Variants in STXBP5 observed in about 807,000 individuals in gnomAD.
STXBP5 encodes syntaxin binding protein 5, also known as syntaxin-binding protein 5.
STXBP5 carries 50 observed loss-of-function variants against 152.4 expected under a neutral mutation model. The ratio of observed to expected loss-of-function variants is 0.33; its 90% CI spans 0.26 to 0.42. STXBP5 has a LOEUF of 0.42. STXBP5 is among the 10% of genes least tolerant of loss of function. STXBP5 has a pLI of 1.00. For synonymous variants in STXBP5, 492 were observed against 494.7 expected, an observed-to-expected ratio of 0.99 and a Z score of 0.07; for missense variants, 1,167 against 1,388.6, an observed-to-expected ratio of 0.84 and a Z score of 2.54.
intron 26 of STXBP5, among the ~76,000 whole-genome samples, chr6:147,375,994 G>T (rs1186604372): frequency 6.6e-6 from 1 of 151,986 alleles, no homozygotes; most frequent in African/African-American, 2.4e-5. Context: ...CACACTAAAG[G>T]GAATTCTAAA....
In STXBP5 at chr6:147,384,738, A is replaced by C. The variant is rs1786260746; in HGVS notation, c.3439A>C (p.Lys1147Gln). 2.5e-6 allele frequency: 4 copies of C among 1,611,894 alleles called. No individual in the cohort carries two copies. Among genetic ancestry groups the C allele is most frequent in the Non-Finnish European group, 3.4e-6 (4 of 1,178,998 alleles). ...HEIMLKYKDK[K>Q]WYQF ...GATTATGTTGAAATACAAAGATAAG[A>C]AGTGGTACCAGTTCTGACAACCAGA... is the stretch of plus-strand genomic sequence containing the variant. The change falls in exon 28 of 28, where the codon AAG becomes CAG. Residue 1147 changes from lysine to glutamine, a missense_variant. By Grantham distance (53) the Lys-to-Gln change is moderately conservative (BLOSUM62 1). Transcript: ENST00000321680.
chr6:147,301,239 G>T (rs1161741589), intron 9 of STXBP5, among the ~76,000 whole-genome samples: 1 of 152,010 alleles, frequency 6.6e-6, no homozygotes, highest in Non-Finnish European at 1.5e-5. Flanking sequence ...TCATATGGAG[G>T]TTCCCCAAAA....
At chr6:147,219,725 T>C (rs1777359397) in intron 2 of STXBP5, among the ~76,000 whole-genome samples, 1 of 151,838 alleles carries the variant, frequency 6.6e-6, no homozygotes, top group Non-Finnish European at 1.5e-5. Context: ...GAAATTAAAG[T>C]GATGTCTGTC....
intron 9 of STXBP5, among the ~76,000 whole-genome samples, chr6:147,295,296 G>A (rs892373133): frequency 1.3e-5 from 2 of 152,106 alleles, no homozygotes; most frequent in Non-Finnish European, 2.9e-5. Context: ...GAGCTACAGA[G>A]CATTAGAAGA....
chr6:147,295,305 G>A (rs1009392014), intron 9 of STXBP5, among the ~76,000 whole-genome samples: 2 of 152,264 alleles, frequency 1.3e-5, no homozygotes, highest in Non-Finnish European at 2.9e-5. Context: ...AGCATTAGAA[G>A]AGTTAGTTTT....
intron 8 of STXBP5, among the ~76,000 whole-genome samples, chr6:147,281,134 G>A (rs536428410): frequency 1.3e-5 from 2 of 152,268 alleles, no homozygotes; most frequent in Non-Finnish European, 2.9e-5. Flanking sequence ...TTGGCACACT[G>A]CAACCTCTGC....
intron 9 of STXBP5, among the ~76,000 whole-genome samples, chr6:147,298,677 A>C (rs1431115428): frequency 6.6e-6 from 1 of 152,048 alleles, no homozygotes; most frequent in African/African-American, 2.4e-5. Context: ...TTAACAAGAG[A>C]AACTTTGGAA....
At chr6:147,362,281 A>C (rs142679097) in intron 23 of STXBP5, among the ~76,000 whole-genome samples, 2 of 152,166 alleles carry the variant, frequency 1.3e-5, no homozygotes, top group East Asian at 3.8e-4. Flanking sequence ...AAAAGAAAAT[A>C]ATATGTGGAA....
At chr6:147,250,662 G>A (rs1047920289) in intron 4 of STXBP5, among the ~76,000 whole-genome samples, 1 of 151,926 alleles carries the variant, frequency 6.6e-6, no homozygotes, top group African/African-American at 2.4e-5. Flanking sequence ...GGTGTGTTTG[G>A]GAGCAGATAA....
chr6:147,358,318 C>T (rs780610889), intron 22 of STXBP5, among the ~76,000 whole-genome samples: 4 of 152,070 alleles, frequency 2.6e-5, no homozygotes, highest in Non-Finnish European at 5.9e-5. Context: ...TTGTCACACT[C>T]TACCAGTCAT....
At chr6:147,369,647 C>A (rs1039103899) in intron 25 of STXBP5, among the ~76,000 whole-genome samples, 2 of 151,780 alleles carry the variant, frequency 1.3e-5, no homozygotes, top group African/African-American at 4.8e-5. Flanking sequence ...AAAACATAGA[C>A]AAAATATTCA....
At chr6:147,367,111 G>T (rs1785325528) in intron 25 of STXBP5, among the ~76,000 whole-genome samples, 1 of 152,104 alleles carries the variant, frequency 6.6e-6, no homozygotes, top group Non-Finnish European at 1.5e-5. Flanking sequence ...AAACATGAAA[G>T]ATACAAAAAT....
At chr6:147,253,108 C>T (rs1779181597) in intron 4 of STXBP5, among the ~76,000 whole-genome samples, 1 of 152,150 alleles carries the variant, frequency 6.6e-6, no homozygotes, top group African/African-American at 2.4e-5. Flanking sequence ...AAAGCTTATC[C>T]ACCATGATCA....
chr6:147,336,398 G>A (rs1162719117), intron 19 of STXBP5, among the ~76,000 whole-genome samples: 2 of 151,594 alleles, frequency 1.3e-5, no homozygotes, highest in Non-Finnish European at 2.9e-5. Context: ...TATTTGTAAC[G>A]TTTTTTAACC....
rs1484498756 is a variant in STXBP5 at position 147,389,021 on chromosome 6, C to G, written c.*4266C>G. On this transcript the variant is annotated 3_prime_UTR_variant, in exon 28 of 28. Coordinates refer to ENST00000321680, the MANE Select transcript of STXBP5 (RefSeq NM_001127715.4). The stretch of plus-strand genomic sequence containing the variant: ...TTTACTTTGGGGGGAAAAAAGCACT[C>G]CTATATCTTAAATGTCCTTCTTTTT... The G allele has an allele frequency of 6.6e-6, 1 of 151,492 alleles. No homozygotes were observed. The highest frequency in any genetic ancestry group is 1.5e-5 in the Non-Finnish European group (1 of 67,636). 9.4% of individuals were successfully genotyped at this position (151,492 alleles called of 1,614,324 possible).
At chr6:147,355,309 G>A (rs193170150) in intron 22 of STXBP5, among the ~76,000 whole-genome samples, 1 of 152,226 alleles carries the variant, frequency 6.6e-6, no homozygotes, top group East Asian at 1.9e-4. Context: ...ATAAAAGTTT[G>A]TTGAATAAGG....
At position 147,359,157 on chromosome 6, in the gene STXBP5, G is replaced by T. The variant is rs771055219; in HGVS notation, c.2379G>T (p.Ala793=). The change falls in exon 23 of 28, where the codon GCG becomes GCT. Residue 793 remains alanine (A), a synonymous_variant. Transcript: ENST00000321680. ...GCATTGACAAAGAATCCCGAGAAGC[G>T]ATCTCCGCTCTTCATTTCTGTGAAA... ...VTSIDKESRE[A]ISALHFCETF... 1 of 1,613,886 alleles carries T rather than the reference G, an allele frequency of 6.2e-7. No individual in the cohort carries two copies.
intron 21 of STXBP5, among the ~76,000 whole-genome samples, chr6:147,346,816 CTA>C (rs1034239454): frequency 6.6e-6 from 1 of 152,200 alleles, no homozygotes; most frequent in East Asian, 1.9e-4. Flanking sequence ...CTAAAAACAA[CTA>C]TAAAAATTGG....
At chr6:147,212,589 A>G (rs1328986782) in intron 2 of STXBP5, among the ~76,000 whole-genome samples, 1 of 151,646 alleles carries the variant, frequency 6.6e-6, no homozygotes, top group Non-Finnish European at 1.5e-5. Flanking sequence ...CTGTGGGGGG[A>G]TTTAGGAATT....
Sources: allele counts gnomAD v4.1 joint callset (sites outside exome capture counted in the v4.1 genomes callset), GRCh38; gene constraint gnomAD v4.1.1; transcripts MANE v1.5; gene names NCBI Gene and HGNC (gene_info 2026-07-23, HGNC 2026-07-21).